Variants in AK3 observed in about 807,000 individuals in gnomAD.
AK3 encodes adenylate kinase 3.
A neutral mutation model predicts 23.7 loss-of-function variants in AK3; 27 were observed. The observed-to-expected ratio is 1.14, with a 90% CI of 0.84 to 1.57. The LOEUF (loss-of-function observed/expected upper bound fraction) is 1.57, where lower values mean the gene tolerates loss of function less well. Among genes scored for constraint, AK3 ranks in the 40% most tolerant of loss-of-function variants. The pLI, the probability that AK3 is intolerant of heterozygous loss-of-function variation, is 0.00. For missense variants in AK3, 406 were observed against 285.6 expected, an observed-to-expected ratio of 1.42 and a Z score of -3.04; for synonymous variants, 159 against 116.0, an observed-to-expected ratio of 1.37 and a Z score of -2.38.
intron 2 of AK3, 93 bp from the exon 3 acceptor site, chr9:4,719,400 G>C: frequency 1.1e-5 from 12 of 1,051,928 alleles, no homozygotes; most frequent in African/African-American, 1.6e-5. Context: ...GAAAAAGAAA[G>C]AATTAATGTT....
At chr9:4,724,747 C>A (rs145909305) in intron 1 of AK3, among the ~76,000 whole-genome samples, 1 of 150,736 alleles carries the variant, frequency 6.6e-6, no homozygotes, top group East Asian at 2.0e-4. Context: ...CTACTGCACT[C>A]CCGCCTGGGC....
At chr9:4,727,287 A>G (rs1345021142) in intron 1 of AK3, among the ~76,000 whole-genome samples, 1 of 152,180 alleles carries the variant, frequency 6.6e-6, no homozygotes, top group African/African-American at 2.4e-5. Context: ...TTCTCCAGCA[A>G]TGGAAGTCCT....
Position 4,741,148 on chromosome 9 carries a change from A to T in AK3, c.-61T>A. 1 of 1,343,952 alleles carries T rather than the reference A, an allele frequency of 7.4e-7. No homozygotes were observed. Among genetic ancestry groups the T allele is most frequent in the Non-Finnish European group, 9.6e-7 (1 of 1,045,992 alleles). 83.3% of individuals were successfully genotyped at this position (1,343,952 alleles called of 1,614,324 possible). ...GGGCTTTGGCCTGGCCTGCGCGCTC[A>T]CCCGCTCGGCAGCCTGCGCCGGCCG... On this transcript the variant is annotated 5_prime_UTR_variant, in exon 1 of 5. Transcript: ENST00000381809.
chr9:4,737,003 T>C (rs192727733), intron 1 of AK3, among the ~76,000 whole-genome samples: 59 of 146,110 alleles, frequency 4.0e-4, no homozygotes, highest in Non-Finnish European at 3.1e-4. Context: ...AGACGCACTA[T>C]GCTACAGTGC....
intron 4 of AK3, among the ~76,000 whole-genome samples, chr9:4,716,772 A>C (rs959738006): frequency 6.6e-6 from 1 of 152,052 alleles, no homozygotes; most frequent in South Asian, 2.1e-4. Context: ...TCTAAAAAAA[A>C]TTTTTTTAAT....
chr9:4,732,993 C>T (rs924817847), intron 1 of AK3, among the ~76,000 whole-genome samples: 2 of 151,846 alleles, frequency 1.3e-5, no homozygotes, highest in Non-Finnish European at 2.9e-5. Context: ...TATAGACAAG[C>T]AGAATCATGC....
chr9:4,733,001 T>G (rs1191549774), intron 1 of AK3, among the ~76,000 whole-genome samples: 1 of 151,962 alleles, frequency 6.6e-6, no homozygotes, highest in African/African-American at 2.4e-5. Flanking sequence ...AGCAGAATCA[T>G]GCCTGGCTAA....
At chr9:4,740,669 G>T (rs1292035829) in intron 1 of AK3, among the ~76,000 whole-genome samples, 1 of 152,096 alleles carries the variant, frequency 6.6e-6, no homozygotes, top group East Asian at 1.9e-4. Flanking sequence ...AACAAAGCCC[G>T]GTGGTTTCCT....
chr9:4,724,377 T>C lies in AK3; in HGVS notation c.152-1752A>G, dbSNP rs907302898. On this transcript the variant is annotated intron_variant, in intron 1 of 4. Transcript: ENST00000381809. ...AGCCCTCTTCTAAATCCGAACCAGC[T>C]GCAGCAGATGGGTTAGAAGATGGGG... Among the ~76,000 whole-genome samples, 59 of 152,308 alleles carry C rather than the reference T, an allele frequency of 3.9e-4. 1 individual carries two copies. The highest frequency in any genetic ancestry group is 1.4e-3 in the African/African-American group (57 of 41,564).
In AK3 at chr9:4,712,651, T is replaced by A. The variant is rs1369671023; in HGVS notation, c.*325A>T. 1 of 164,482 alleles carries A rather than the reference T, an allele frequency of 6.1e-6. No individual in the cohort carries two copies. Among genetic ancestry groups the A allele is most frequent in the African/African-American group, 2.4e-5 (1 of 41,906 alleles). 10.2% of individuals were successfully genotyped at this position (164,482 alleles called of 1,614,324 possible). ...CTTTTCCAGAAAAATATGGAAACTTTATCAACCACTTATTAACTGAACAAA... is the reference window on the plus strand; with the variant it reads ...CTTTTCCAGAAAAATATGGAAACTTAATCAACCACTTATTAACTGAACAAA... On this transcript the variant is annotated 3_prime_UTR_variant, in exon 5 of 5. Coordinates refer to ENST00000381809, the MANE Select transcript of AK3 (RefSeq NM_016282.4).
At chr9:4,728,574 C>CA (rs903181356) in intron 1 of AK3, among the ~76,000 whole-genome samples, 7 of 151,760 alleles carry the variant, frequency 4.6e-5, no homozygotes, top group African/African-American at 1.7e-4. Flanking sequence ...GTGTCTCAAA[C>CA]AAAAAAATAA....
chr9:4,721,512 T>G (rs183573795), intron 2 of AK3, among the ~76,000 whole-genome samples: 4 of 151,590 alleles, frequency 2.6e-5, no homozygotes, highest in Admixed American at 2.6e-4. Flanking sequence ...CAGGCTGGAG[T>G]GCAGTGGGGC....
intron 1 of AK3, among the ~76,000 whole-genome samples, chr9:4,732,093 G>A (rs1434082348): frequency 2.0e-5 from 3 of 150,214 alleles, no homozygotes; most frequent in Non-Finnish European, 1.5e-5. Flanking sequence ...GGGAAAACAG[G>A]CACACACCAC....
chr9:4,725,642 G>A (rs1229087254), intron 1 of AK3, among the ~76,000 whole-genome samples: 2 of 152,036 alleles, frequency 1.3e-5, no homozygotes, highest in Non-Finnish European at 2.9e-5. Context: ...AAAAGACAAT[G>A]CATAGCATGG....
chr9:4,735,478 A>ACATATATAAATATATACATAGTATATGTG (rs1842268715), intron 1 of AK3, among the ~76,000 whole-genome samples: 1 of 62,598 alleles, frequency 1.6e-5, no homozygotes, highest in African/African-American at 6.5e-5. Context: ...ATATATATAT[A>ACATATATAAATATATACATAGTATATGTG]TTTTTTTTTT....
intron 3 of AK3, 37 bp from the exon 4 acceptor site, chr9:4,718,574 T>G: frequency 1.4e-6 from 2 of 1,395,610 alleles, no homozygotes; most frequent in Non-Finnish European, 2.0e-6. Flanking sequence ...TCAGATATCA[T>G]ATTTCTGAAA....
chr9:4,737,385 T>C (rs439786), intron 1 of AK3, among the ~76,000 whole-genome samples: 100,803 of 152,010 alleles, frequency 0.66, 33,877 homozygotes, highest in East Asian at 0.8. Context: ...GAGAAATCTA[T>C]GTTTTCACCC....
intron 2 of AK3, among the ~76,000 whole-genome samples, chr9:4,722,029 T>C (rs1301713534): frequency 2.0e-5 from 3 of 152,186 alleles, no homozygotes; most frequent in Non-Finnish European, 2.9e-5. Flanking sequence ...ATATTATGAC[T>C]CAGATCTTCT....
chr9:4,735,637 T>C (rs958369595), intron 1 of AK3, among the ~76,000 whole-genome samples: 17 of 149,616 alleles, frequency 1.1e-4, no homozygotes, highest in Admixed American at 1.4e-4. Flanking sequence ...ACTAATTTTA[T>C]TTTGTATTGT....
Sources: gnomAD v4.1 joint callset for allele counts (sites outside exome capture counted in the v4.1 genomes callset) on GRCh38, gnomAD v4.1.1 for gene constraint, MANE v1.5 for transcripts, NCBI Gene and HGNC (gene_info 2026-07-23, HGNC 2026-07-21) for gene names.